The following ACSL1 variants were observed in gnomAD, a reference collection of about 807,000 sequenced individuals.
The protein encoded by ACSL1 is acyl-CoA synthetase long chain family member 1.
Under a neutral mutation model 98.4 loss-of-function variants are expected in ACSL1, and 41 were observed. The ratio of observed to expected loss-of-function variants is 0.42; its 90% CI spans 0.32 to 0.54. The LOEUF is 0.54. Ranked by LOEUF, ACSL1 falls within the 20% of genes least tolerant of loss-of-function variation. ACSL1 has a pLI of 0.13. For synonymous variants in ACSL1, 316 were observed against 322.7 expected (o/e 0.98, Z 0.22); for missense variants, 734 against 883.1 (o/e 0.83, Z 2.14).
chr4:184,785,600 C>CGGG (rs1174393165), intron 3 of ACSL1, among the ~76,000 whole-genome samples: 10 of 19,166 alleles, frequency 5.2e-4, no homozygotes, highest in Admixed American at 1.3e-3. Flanking sequence ...TCCTCCTGGG[C>CGGG]GGGGGCGGGG....
chr4:184,770,564 G>C (rs1764344501), intron 10 of ACSL1, 88 bp from the exon 11 acceptor site: 1 of 713,550 alleles, frequency 1.4e-6, no homozygotes, highest in Non-Finnish European at 2.3e-6. Flanking sequence ...TGTGGGGTAG[G>C]GGGAGGGGGG....
At position 184,773,293 on chromosome 4, in the gene ACSL1, T is replaced by C. The variant is rs1764779132; in HGVS notation, c.842-139A>G. 5.5e-6 allele frequency: 4 copies of C among 724,872 alleles called. No homozygotes were observed. Among genetic ancestry groups the C allele is most frequent in the Non-Finnish European group, 6.8e-6 (3 of 438,834 alleles). The allele number at this position is 724,872 out of a possible 1,614,324, so 44.9% of individuals were successfully genotyped here. ...AACCAAATGTTGAACACTAAATTCC[T>C]AAGCAACCTGCAATCCTTACACTGA... On this transcript the variant is annotated intron_variant, in intron 9 of 20. Transcript: ENST00000281455. This position sits in a 1 kb window ranked among gnomAD's most constrained non-coding sequence, Gnocchi z 4.3.
intron 7 of ACSL1, among the ~76,000 whole-genome samples, chr4:184,775,782 C>A (rs1214358503): frequency 1.3e-5 from 2 of 152,188 alleles, no homozygotes; most frequent in Non-Finnish European, 2.9e-5. Context: ...CTAACACCTT[C>A]AGAAAGAGAA....
chr4:184,819,893 G>A (rs1772925767), intron 1 of ACSL1, among the ~76,000 whole-genome samples: 1 of 152,122 alleles, frequency 6.6e-6, no homozygotes, highest in Non-Finnish European at 1.5e-5. Context: ...TCTGGTTCAC[G>A]ATGGCAATAC....
At chr4:184,770,208 G>C in intron 11 of ACSL1, 191 bp downstream of exon 11, 1 of 1,484,510 alleles carries the variant, frequency 6.7e-7, no homozygotes, top group Non-Finnish European at 9.1e-7. Flanking sequence ...AAACGGGGCT[G>C]AGCAGAGAAT....
At chr4:184,786,882 C>T (rs577246359) in intron 3 of ACSL1, among the ~76,000 whole-genome samples, 3 of 151,956 alleles carry the variant, frequency 2.0e-5, no homozygotes, top group Non-Finnish European at 2.9e-5. Context: ...TTAGTAGAGA[C>T]GGAGTTTCAC....
intron 2 of ACSL1, among the ~76,000 whole-genome samples, chr4:184,797,208 G>A (rs868519786): frequency 3.3e-5 from 5 of 152,274 alleles, no homozygotes; most frequent in Non-Finnish European, 5.9e-5. Flanking sequence ...GTGTCTCGCC[G>A]CCCTTAGCGT....
chr4:184,818,461 C>T (rs1772805009), intron 1 of ACSL1, among the ~76,000 whole-genome samples: 1 of 152,176 alleles, frequency 6.6e-6, no homozygotes, highest in South Asian at 2.1e-4. Context: ...CACAGACTTT[C>T]GATGCCTTGA....
Position 184,788,658 on chromosome 4 carries a change from G to A in ACSL1, c.269C>T (p.Thr90Ile), listed in dbSNP as rs1231131972. Reference sequence around the variant, plus strand: ...CCTCTGGAAACCTTCGTATAATGTTGTGACATCATCATAGAAATACACCAA... The same window carrying A: ...CCTCTGGAAACCTTCGTATAATGTTATGACATCATCATAGAAATACACCAA... ...EPLVYFYDDV[T>I]TLYEGFQRGI... The change falls in exon 3 of 21, where the codon ACA (threonine) becomes ATA (isoleucine). Residue 90 changes from threonine to isoleucine, a missense_variant. Physicochemically the swap from Thr to Ile is moderately conservative, Grantham distance 89. Coordinates refer to ENST00000281455, the MANE Select transcript of ACSL1 (RefSeq NM_001995.5). The A allele has an allele frequency of 6.2e-7, 1 of 1,613,988 alleles. No individual in the cohort carries two copies. The highest frequency in any genetic ancestry group is 1.3e-5 in the African/African-American group (1 of 74,884).
At chr4:184,770,773 C>T (rs1218110603) in intron 10 of ACSL1, among the ~76,000 whole-genome samples, 2 of 152,098 alleles carry the variant, frequency 1.3e-5, no homozygotes, top group African/African-American at 4.8e-5. Flanking sequence ...CATAGTACCT[C>T]AACACTGAGG....
chr4:184,817,077 T>C (rs757739115), intron 1 of ACSL1, among the ~76,000 whole-genome samples: 1 of 152,174 alleles, frequency 6.6e-6, no homozygotes, highest in African/African-American at 2.4e-5. Context: ...CTGCTAAGTT[T>C]TGGGACCAGA....
chr4:184,758,301 G>A (rs1244066319), intron 18 of ACSL1: 1 of 200,748 alleles, frequency 5.0e-6, no homozygotes. Context: ...TCTCATGCTT[G>A]TAATCCTAGC....
intron 1 of ACSL1, among the ~76,000 whole-genome samples, chr4:184,817,366 T>A (rs1772721282): frequency 6.6e-6 from 1 of 152,140 alleles, no homozygotes; most frequent in Non-Finnish European, 1.5e-5. Context: ...TTCTGACCAT[T>A]AGAAAACACA....
rs539185813 is a variant in ACSL1 at position 184,817,756 on chromosome 4, G to A, written c.-33+8160C>T. On this transcript the variant is annotated intron_variant, in intron 1 of 20. Coordinates refer to ENST00000281455, the MANE Select transcript of ACSL1 (RefSeq NM_001995.5). ...GGAAGCATGCCAGAGAGAGCAGGAC[G>A]CTACTGGTGACCGTCGCCTGGCCTG... is the stretch of plus-strand genomic sequence containing the variant. 4.6e-5 allele frequency among the ~76,000 whole-genome samples: 7 copies of A among 152,292 alleles called. No homozygotes were observed. In the South Asian group the frequency reaches 8.3e-4, roughly 18 times the overall value.
At chr4:184,810,398 A>G (rs776482821) in intron 1 of ACSL1, among the ~76,000 whole-genome samples, 4 of 152,212 alleles carry the variant, frequency 2.6e-5, no homozygotes, top group Non-Finnish European at 4.4e-5. Flanking sequence ...GCTGAAGGAG[A>G]ATTTTGGGAC....
chr4:184,790,613 T>C (rs917841437), intron 2 of ACSL1, among the ~76,000 whole-genome samples: 1 of 152,250 alleles, frequency 6.6e-6, no homozygotes, highest in Non-Finnish European at 1.5e-5. Flanking sequence ...ATTCTCTGTG[T>C]GCATAAGAAT....
At chr4:184,761,683 C>T (rs559716674) in intron 17 of ACSL1, among the ~76,000 whole-genome samples, 1 of 152,196 alleles carries the variant, frequency 6.6e-6, no homozygotes, top group Non-Finnish European at 1.5e-5. Flanking sequence ...CAAATCCTTA[C>T]CCATCCTACA....
chr4:184,815,356 C>CCT (rs1277677977), intron 1 of ACSL1, among the ~76,000 whole-genome samples: 1 of 152,048 alleles, frequency 6.6e-6, no homozygotes, highest in Admixed American at 6.6e-5. Flanking sequence ...GGAGCCTCTG[C>CCT]CTCTCTCTCT....
chr4:184,780,572 T>C, intron 4 of ACSL1, 139 bp from the exon 5 acceptor site: 1 of 576,116 alleles, frequency 1.7e-6, no homozygotes, highest in East Asian at 2.9e-5. Flanking sequence ...GGTATTCCTT[T>C]ATTGATAGAT....
Sources: gnomAD v4.1 joint callset for allele counts (sites outside exome capture counted in the v4.1 genomes callset) on GRCh38, gnomAD v4.1.1 for gene constraint, Gnocchi (gnomAD v3.1) non-coding constraint, MANE v1.5 for transcripts, NCBI Gene and HGNC (gene_info 2026-07-23, HGNC 2026-07-21) for gene names.